Variants in SRSF10 observed in about 807,000 individuals in gnomAD.
SRSF10 encodes serine/arginine-rich splicing factor 10.
SRSF10 carries 9 observed loss-of-function variants against 32.6 expected under a neutral mutation model. The ratio of observed to expected loss-of-function variants is 0.28; its 90% CI spans 0.17 to 0.48. SRSF10 has a LOEUF of 0.48. Ranked by LOEUF, SRSF10 falls within the 20% of genes least tolerant of loss-of-function variation. The probability of loss-of-function intolerance (pLI) is 0.99; values close to 1 mark genes in which losing one functional copy is unlikely to be tolerated. For missense variants in SRSF10, 201 were observed against 331.8 expected, an observed-to-expected ratio of 0.61 and a Z score of 3.06; for synonymous variants, 105 against 112.4, an observed-to-expected ratio of 0.93 and a Z score of 0.42.
chr1:23,978,085 G>C (rs1160147762), intron 2 of SRSF10: 2 of 985,194 alleles, frequency 2.0e-6, no homozygotes, highest in Non-Finnish European at 1.2e-6. Flanking sequence ...GCGAGGCTTT[G>C]TCTCCCATTA....
Position 23,969,967 on chromosome 1 carries a change from C to T in SRSF10, c.*1175G>A, listed in dbSNP as rs1238022873. ...GCAGGCAAATTTTGATACAAATGCACGAGCCAAGTGCTGTAAGCATCAAAA... is the reference window on the plus strand; with the variant it reads ...GCAGGCAAATTTTGATACAAATGCATGAGCCAAGTGCTGTAAGCATCAAAA... On this transcript the variant is annotated 3_prime_UTR_variant, in exon 6 of 6. Transcript: ENST00000492112. 105 of 985,308 alleles carry T rather than the reference C, an allele frequency of 1.1e-4. No individual in the cohort carries two copies. Among genetic ancestry groups the T allele is most frequent in the African/African-American group, 1.9e-4 (11 of 57,300 alleles). 61.0% of individuals were successfully genotyped at this position (985,308 alleles called of 1,614,324 possible). A position where few individuals can be genotyped will look rare whatever the true frequency, so the allele number is the denominator to read the frequency against.
rs1641420745 is a variant in SRSF10 at position 23,965,779 on chromosome 1, T to C, written c.*5363A>G. 1 of 151,968 alleles carries C rather than the reference T, an allele frequency of 6.6e-6. No individual in the cohort carries two copies. The allele number at this position is 151,968 out of a possible 1,614,324, so 9.4% of individuals were successfully genotyped here. A position where few individuals can be genotyped will look rare whatever the true frequency, so the allele number is the denominator to read the frequency against. On this transcript the variant is annotated 3_prime_UTR_variant, in exon 6 of 6. Transcript: ENST00000492112. ...CAACTGTTGTTATTGTAGTTATATA[T>C]GTATTTACCTAATTTTTTTTAAACA...
intron 5 of SRSF10, 32 bp downstream of exon 5, chr1:23,971,541 A>C: frequency 1.2e-6 from 2 of 1,601,130 alleles, no homozygotes; most frequent in South Asian, 2.3e-5. Flanking sequence ...ATTAAAAAAT[A>C]CATGAGTCTT....
chr1:23,967,826 A>T lies in SRSF10; in HGVS notation c.*3316T>A. 1 of 1,567,484 alleles carries T rather than the reference A, an allele frequency of 6.4e-7. No individual in the cohort carries two copies. Among genetic ancestry groups the T allele is most frequent in the Non-Finnish European group, 8.7e-7 (1 of 1,152,900 alleles). On this transcript the variant is annotated 3_prime_UTR_variant, in exon 6 of 6. Coordinates refer to ENST00000492112, the MANE Select transcript of SRSF10 (RefSeq NM_054016.4). Reference sequence around the variant, plus strand: ...CTGGATGTAGCAGCTTACTGGGCCAAATTTTCAAGAGAATAATACAATAGT... The same window carrying T: ...CTGGATGTAGCAGCTTACTGGGCCATATTTTCAAGAGAATAATACAATAGT...
chr1:23,970,406 G>A lies in SRSF10; in HGVS notation c.*736C>T, dbSNP rs1641678679. ...GACGGAGTCTCACTCTGTTGCCCAGGCTGGAGTGCAGTGGCGTGATTTTGG... is the reference window on the plus strand; with the variant it reads ...GACGGAGTCTCACTCTGTTGCCCAGACTGGAGTGCAGTGGCGTGATTTTGG... On this transcript the variant is annotated 3_prime_UTR_variant, in exon 6 of 6. Coordinates refer to ENST00000492112, the MANE Select transcript of SRSF10 (RefSeq NM_054016.4). 1 of 946,336 alleles carries A rather than the reference G, an allele frequency of 1.1e-6. No homozygotes were observed. The highest frequency in any genetic ancestry group is 1.8e-5 in the African/African-American group (1 of 54,294). The allele number at this position is 946,336 out of a possible 1,614,324, so 58.6% of individuals were successfully genotyped here. A position where few individuals can be genotyped will look rare whatever the true frequency, so the allele number is the denominator to read the frequency against.
chr1:23,971,924 G>A lies in SRSF10; in HGVS notation c.363C>T (p.Ser121=). ...TTGATCTCCTCCTTTCATAACTTCG[G>A]CTTCTAGAACGTCTGTATCTGTCAT... ...DDYDRYRRSR[S]RSYERRRSRS... The change falls in exon 4 of 6, where the codon AGC becomes AGT. Residue 121 remains serine (S), a synonymous_variant. Coordinates refer to ENST00000492112, the MANE Select transcript of SRSF10 (RefSeq NM_054016.4). The A allele has an allele frequency of 6.2e-7, 1 of 1,601,064 alleles. No homozygotes were observed. The highest frequency in any genetic ancestry group is 8.5e-7 in the Non-Finnish European group (1 of 1,176,154).
At chr1:23,976,086 T>C (rs1346168918) in intron 2 of SRSF10, 4 of 152,252 alleles carry the variant, frequency 2.6e-5, no homozygotes, top group Non-Finnish European at 4.4e-5. Flanking sequence ...GTGTTTGATA[T>C]AAATGGTTTG....
At chr1:23,978,895 G>A in intron 1 of SRSF10, 78 bp from the exon 2 acceptor site, 1 of 1,282,078 alleles carries the variant, frequency 7.8e-7, no homozygotes, top group South Asian at 1.6e-5. Flanking sequence ...TTTTGATGAA[G>A]GAAAGCTAGG....
At chr1:23,974,599 C>G (rs983908996) in intron 3 of SRSF10, among the ~76,000 whole-genome samples, 1 of 152,096 alleles carries the variant, frequency 6.6e-6, no homozygotes, top group Non-Finnish European at 1.5e-5. Context: ...GAGGCTGAGG[C>G]AGGTGGATCA....
chr1:23,979,953 C>A (rs1297480020), intron 1 of SRSF10, among the ~76,000 whole-genome samples: 1 of 145,094 alleles, frequency 6.9e-6, no homozygotes, highest in Non-Finnish European at 1.5e-5. Context: ...CTGCAAACTG[C>A]GGAGGGGGAG....
rs1641503430 is a variant in SRSF10 at position 23,967,389 on chromosome 1, A to G, written c.*3753T>C. The G allele has an allele frequency of 9.4e-6, 3 of 320,624 alleles. No homozygotes were observed. Among genetic ancestry groups the G allele is most frequent in the Admixed American group, 4.4e-5 (1 of 22,764 alleles). The allele number at this position is 320,624 out of a possible 1,614,324, so 19.9% of individuals were successfully genotyped here. A position where few individuals can be genotyped will look rare whatever the true frequency, so the allele number is the denominator to read the frequency against. ...TGATATTCAGACATCCTAGTTTCCA[A>G]TAATTTATTATGGACCTGTTACCCA... is the stretch of plus-strand genomic sequence containing the variant. On this transcript the variant is annotated 3_prime_UTR_variant, in exon 6 of 6. Transcript: ENST00000492112.
intron 1 of SRSF10, among the ~76,000 whole-genome samples, chr1:23,979,446 T>A (rs1480854244): frequency 5.3e-5 from 8 of 152,174 alleles, no homozygotes; most frequent in Non-Finnish European, 1.0e-4. Context: ...AGCCTCATCT[T>A]GTAGTAAGAA....
At chr1:23,972,724 G>T (rs1161063208) in intron 3 of SRSF10, among the ~76,000 whole-genome samples, 1 of 147,922 alleles carries the variant, frequency 6.8e-6, no homozygotes, top group African/African-American at 2.5e-5. Flanking sequence ...TTACAGGTGT[G>T]AGCCACCGCA....
chr1:23,976,584 G>A (rs1642105657), intron 2 of SRSF10: 1 of 152,178 alleles, frequency 6.6e-6, no homozygotes, highest in Non-Finnish European at 1.5e-5. Flanking sequence ...AATATAATAA[G>A]TATAAAAAGG....
intron 3 of SRSF10, among the ~76,000 whole-genome samples, chr1:23,973,530 A>G (rs2148504156): frequency 6.6e-6 from 1 of 152,204 alleles, no homozygotes; most frequent in East Asian, 1.9e-4. Context: ...TTTGTTGCCC[A>G]GGCTGGTCTC....
intron 3 of SRSF10, among the ~76,000 whole-genome samples, chr1:23,974,524 TAAA>T (rs1641965767): frequency 6.6e-6 from 1 of 152,194 alleles, no homozygotes; most frequent in African/African-American, 2.4e-5. Flanking sequence ...TCCATTTTCT[TAAA>T]TATGATCATT....
chr1:23,980,059 G>T, intron 1 of SRSF10, 132 bp downstream of exon 1: 1 of 1,024,764 alleles, frequency 9.8e-7, no homozygotes, highest in Non-Finnish European at 1.4e-6. Flanking sequence ...GCCTAGTTCG[G>T]CGCCAAAGCG....
chr1:23,971,975 C>A lies in SRSF10; in HGVS notation c.312G>T (p.Val104=). 5 of 1,543,758 alleles carry A rather than the reference C, an allele frequency of 3.2e-6. No individual in the cohort carries two copies. Among genetic ancestry groups the A allele is most frequent in the Non-Finnish European group, 3.5e-6 (4 of 1,152,448 alleles). The change falls in exon 4 of 6, where the codon GTG becomes GTT. Residue 104 remains valine (V), a synonymous_variant. Transcript: ENST00000492112. ...NQMKAKEGRN[V]YSSSRYDDYD... is the part of the protein sequence containing the mutation. The stretch of plus-strand genomic sequence containing the variant: ...AATCATCATAGCGTGAAGAACTGTA[C>A]ACATTCCTCCCTTCCTTGGCTTTCA...
intron 4 of SRSF10, 111 bp downstream of exon 4, chr1:23,971,739 T>C: frequency 2.0e-6 from 3 of 1,493,520 alleles, no homozygotes; most frequent in South Asian, 1.2e-5. Flanking sequence ...ATTTTTTGTC[T>C]CAATGAAACA....
Sources: allele counts gnomAD v4.1 joint callset (sites outside exome capture counted in the v4.1 genomes callset), GRCh38; gene constraint gnomAD v4.1.1; transcripts MANE v1.5; gene names NCBI Gene and HGNC (gene_info 2026-07-23, HGNC 2026-07-21).